The following GRIK1 variants were observed in gnomAD, a reference collection of about 807,000 sequenced individuals.
The protein encoded by GRIK1 is glutamate receptor ionotropic, kainate 1.
In GRIK1, 69 loss-of-function variants were observed where a neutral mutation model predicts 105.7. That is an observed-to-expected ratio of 0.65 (90% CI 0.54 to 0.80). GRIK1 has a LOEUF of 0.80. Ranked by LOEUF, GRIK1 falls within the 30% of genes least tolerant of loss-of-function variation. The pLI, the probability that GRIK1 is intolerant of heterozygous loss-of-function variation, is 0.00. For missense variants in GRIK1, 1,109 were observed against 1,167.3 expected, an observed-to-expected ratio of 0.95 and a Z score of 0.73; for synonymous variants, 438 against 431.3, an observed-to-expected ratio of 1.02 and a Z score of -0.19.
intron 7 of GRIK1, 76 bp from the exon 8 acceptor site, chr21:29,599,013 C>G: frequency 1.4e-6 from 1 of 692,642 alleles, no homozygotes; most frequent in Non-Finnish European, 2.5e-6. Context: ...ATTATAATAC[C>G]TCAAATTCAT....
At position 29,781,711 on chromosome 21, in the gene GRIK1, C is replaced by T. The variant is rs1370508428; in HGVS notation, c.119-87648G>A. 4.5e-4 allele frequency among the ~76,000 whole-genome samples: 32 copies of T among 71,006 alleles called. 2 individuals are homozygous for T. Among genetic ancestry groups the T allele is most frequent in the Non-Finnish European group, 9.2e-4 (23 of 24,928 alleles). The allele number at this position is 71,006 out of a possible 152,430, so 46.6% of individuals were successfully genotyped here. A position where few individuals can be genotyped will look rare whatever the true frequency, so the allele number is the denominator to read the frequency against. ...CGGAGTCTCGCTCTGTCGCCCAGGCCGGACTGCGGACTGCAGTGGCGCAAT... is the reference window on the plus strand; with the variant it reads ...CGGAGTCTCGCTCTGTCGCCCAGGCTGGACTGCGGACTGCAGTGGCGCAAT... On this transcript the variant is annotated intron_variant, in intron 1 of 17. Coordinates refer to ENST00000327783, the MANE Select transcript of GRIK1 (RefSeq NM_001330994.2).
chr21:29,789,123 T>C (rs2066342320), intron 1 of GRIK1, among the ~76,000 whole-genome samples: 1 of 152,218 alleles, frequency 6.6e-6, no homozygotes, highest in South Asian at 2.1e-4. Flanking sequence ...TCAGCAATGA[T>C]GAAAGAAATC....
At chr21:29,839,018 G>C (rs1190749182) in intron 1 of GRIK1, among the ~76,000 whole-genome samples, 2 of 150,846 alleles carry the variant, frequency 1.3e-5, no homozygotes, top group African/African-American at 2.5e-5. Flanking sequence ...ACAAATTAAT[G>C]AATAAATATC....
At chr21:29,591,883 T>C (rs1294022341) in intron 9 of GRIK1, among the ~76,000 whole-genome samples, 1 of 151,700 alleles carries the variant, frequency 6.6e-6, no homozygotes, top group Non-Finnish European at 1.5e-5. Flanking sequence ...ACCCGATCTA[T>C]ACAAAAAATT....
chr21:29,732,557 TAG>T (rs1318898590), intron 1 of GRIK1, among the ~76,000 whole-genome samples: 1 of 152,184 alleles, frequency 6.6e-6, no homozygotes, highest in Non-Finnish European at 1.5e-5. Flanking sequence ...TGTATTAAGA[TAG>T]AGAAGTTTTA....
At chr21:29,597,570 C>A in intron 8 of GRIK1, 1 of 389,328 alleles carries the variant, frequency 2.6e-6, no homozygotes, top group Non-Finnish European at 5.4e-6. Flanking sequence ...TTCCCTCCAG[C>A]CAACATCCCA....
At chr21:29,546,795 T>C (rs1422366961) in intron 16 of GRIK1, among the ~76,000 whole-genome samples, 1 of 152,228 alleles carries the variant, frequency 6.6e-6, no homozygotes, top group Admixed American at 6.5e-5. Flanking sequence ...TTTTTCTCTG[T>C]GCTACAAATC....
At chr21:29,581,355 G>C (rs1187509716) in intron 13 of GRIK1, 70 bp downstream of exon 13, 9 of 876,396 alleles carry the variant, frequency 1.0e-5, no homozygotes, top group Non-Finnish European at 1.8e-5. Flanking sequence ...CTTCATGGTG[G>C]AGTTTACCAG....
intron 12 of GRIK1, among the ~76,000 whole-genome samples, chr21:29,582,695 G>T (rs762130891): frequency 6.6e-6 from 1 of 152,134 alleles, no homozygotes; most frequent in East Asian, 1.9e-4. Flanking sequence ...TTTCCAAAAA[G>T]ACATTAGCAG....
intron 7 of GRIK1, among the ~76,000 whole-genome samples, chr21:29,608,283 T>G (rs2061662017): frequency 1.3e-5 from 2 of 152,100 alleles, no homozygotes; most frequent in Admixed American, 1.3e-4. Flanking sequence ...GTTTACAAAG[T>G]GAAAAGAAAA....
chr21:29,828,809 T>C (rs960026954), intron 1 of GRIK1, among the ~76,000 whole-genome samples: 2 of 152,158 alleles, frequency 1.3e-5, no homozygotes, highest in Admixed American at 1.3e-4. Flanking sequence ...TCCTATTTTC[T>C]TTAGTTCTTA....
At chr21:29,899,582 A>G (rs2070316638) in intron 1 of GRIK1, among the ~76,000 whole-genome samples, 1 of 151,852 alleles carries the variant, frequency 6.6e-6, no homozygotes, top group South Asian at 2.1e-4. Flanking sequence ...CTTAATAAAC[A>G]TATTTATAAA....
chr21:29,897,658 T>C (rs2070221337), intron 1 of GRIK1, among the ~76,000 whole-genome samples: 1 of 152,226 alleles, frequency 6.6e-6, no homozygotes, highest in South Asian at 2.1e-4. Context: ...AGTCCAGGAC[T>C]TGGAGTGAAT....
At chr21:29,899,719 C>T (rs547966520) in intron 1 of GRIK1, among the ~76,000 whole-genome samples, 3 of 152,052 alleles carry the variant, frequency 2.0e-5, no homozygotes, top group Non-Finnish European at 4.4e-5. Flanking sequence ...TTGGGGACAT[C>T]TTGGTGGCAT....
intron 1 of GRIK1, among the ~76,000 whole-genome samples, chr21:29,718,669 A>G (rs2064238966): frequency 6.6e-6 from 1 of 152,244 alleles, no homozygotes; most frequent in Non-Finnish European, 1.5e-5. Context: ...GAGCTTGGAA[A>G]GCGGCAGGTG....
intron 1 of GRIK1, among the ~76,000 whole-genome samples, chr21:29,800,233 G>A (rs1371955682): frequency 1.3e-5 from 2 of 152,128 alleles, no homozygotes; most frequent in African/African-American, 4.8e-5. Context: ...GCTCCCTCTA[G>A]GCATGCAACA....
intron 4 of GRIK1, among the ~76,000 whole-genome samples, chr21:29,656,643 C>A (rs1399847949): frequency 6.6e-6 from 1 of 152,092 alleles, no homozygotes; most frequent in Non-Finnish European, 1.5e-5. Flanking sequence ...ACTTTCAGAT[C>A]TTCAGTTGAA....
At chr21:29,847,364 G>C (rs2068154732) in intron 1 of GRIK1, among the ~76,000 whole-genome samples, 1 of 152,218 alleles carries the variant, frequency 6.6e-6, no homozygotes, top group South Asian at 2.1e-4. Context: ...GGGAGGCCCA[G>C]GCGGGTGGAT....
intron 1 of GRIK1, among the ~76,000 whole-genome samples, chr21:29,863,500 A>G (rs2068711024): frequency 1.3e-5 from 2 of 152,176 alleles, no homozygotes; most frequent in Admixed American, 1.3e-4. Flanking sequence ...TCTTTTAGCT[A>G]TTAATATTTC....
Sources: allele counts gnomAD v4.1 joint callset (sites outside exome capture counted in the v4.1 genomes callset), GRCh38; gene constraint gnomAD v4.1.1; transcripts MANE v1.5; gene names NCBI Gene and HGNC (gene_info 2026-07-23, HGNC 2026-07-21).